The following ZC3H12B variants were observed in gnomAD, a reference collection of about 807,000 sequenced individuals.
The protein encoded by ZC3H12B is probable ribonuclease ZC3H12B.
A neutral mutation model predicts 43.9 loss-of-function variants in ZC3H12B; 7 were observed. The observed-to-expected ratio is 0.16, with a 90% CI of 0.09 to 0.30. The LOEUF (loss-of-function observed/expected upper bound fraction) is 0.30. Ranked by LOEUF, ZC3H12B falls within the 10% of genes least tolerant of loss-of-function variation. The pLI, the probability that ZC3H12B is intolerant of heterozygous loss-of-function variation, is 1.00. For missense variants in ZC3H12B, 475 were observed against 670.2 expected (o/e 0.71, Z 3.22); for synonymous variants, 222 against 241.7 (o/e 0.92, Z 0.76).
At chrX:65,299,291 G>T in the ZC3H12B span, among the ~76,000 whole-genome samples, 1 of 111,561 alleles carries the variant, frequency 9.0e-6, no homozygotes. Context: ...CATTTTGTGA[G>T]GCCGTCATTA....
chrX:65,164,662 G>A, the ZC3H12B span, among the ~76,000 whole-genome samples: 54 of 112,040 alleles, frequency 4.8e-4, 1 homozygote, highest in African/African-American at 1.7e-3. Flanking sequence ...AAGGTTAGAA[G>A]CAAGGTGGAG....
chrX:65,202,680 C>T, the ZC3H12B span, among the ~76,000 whole-genome samples: 8 of 111,338 alleles, frequency 7.2e-5, no homozygotes, highest in Middle Eastern at 4.6e-3. Flanking sequence ...ACTGAGACTG[C>T]GCTGGTTCAG....
At chrX:65,247,366 A>G in the ZC3H12B span, among the ~76,000 whole-genome samples, 3 of 112,170 alleles carry the variant, frequency 2.7e-5, no homozygotes, top group African/African-American at 9.7e-5. Context: ...ATACCATTTG[A>G]CTCAGCAATT....
At chrX:65,375,334 G>C (rs1202713288) in intron 2 of ZC3H12B, among the ~76,000 whole-genome samples, 1 of 111,598 alleles carries the variant, frequency 9.0e-6, no homozygotes, top group African/African-American at 3.3e-5. Context: ...AGTGTTTTGG[G>C]GTTCTAAATA....
the ZC3H12B span, among the ~76,000 whole-genome samples, chrX:65,139,216 G>A: frequency 8.9e-6 from 1 of 112,062 alleles, no homozygotes; most frequent in Non-Finnish European, 1.9e-5. Flanking sequence ...TACTTTTAGA[G>A]TCTCCTGTCT....
At chrX:65,266,567 C>T in the ZC3H12B span, among the ~76,000 whole-genome samples, 1 of 111,849 alleles carries the variant, frequency 8.9e-6, no homozygotes, top group African/African-American at 3.2e-5. Flanking sequence ...AATAAATAAG[C>T]TGTTGTTTTG....
the ZC3H12B span, among the ~76,000 whole-genome samples, chrX:65,266,176 G>A: frequency 1.2e-4 from 14 of 112,327 alleles, no homozygotes; most frequent in Non-Finnish European, 1.9e-4. Context: ...ATTCAGCAAT[G>A]CCTGGTAAAG....
chrX:65,210,003 C>T, the ZC3H12B span, among the ~76,000 whole-genome samples: 1 of 69,152 alleles, frequency 1.4e-5, no homozygotes, highest in Non-Finnish European at 2.2e-5. Flanking sequence ...AAGACATAGG[C>T]GTGGGCAAGG....
At chrX:65,164,675 A>C in the ZC3H12B span, among the ~76,000 whole-genome samples, 1 of 112,135 alleles carries the variant, frequency 8.9e-6, no homozygotes, top group Admixed American at 9.5e-5. Context: ...AGGTGGAGTC[A>C]GCTATGTTAG....
the ZC3H12B span, among the ~76,000 whole-genome samples, chrX:65,323,911 T>C: frequency 8.9e-6 from 1 of 112,444 alleles, no homozygotes; most frequent in African/African-American, 3.2e-5. Context: ...TGGTATCTCA[T>C]TGTGGTTTTG....
intron 3 of ZC3H12B, among the ~76,000 whole-genome samples, chrX:65,422,925 CTT>C (rs34567013): frequency 1.4e-3 from 65 of 46,169 alleles, no homozygotes; most frequent in African/African-American, 6.3e-3. Flanking sequence ...TCTTTCTTTG[CTT>C]TTTTTTTTTT....
chrX:65,257,647 C>A, the ZC3H12B span, among the ~76,000 whole-genome samples: 21 of 109,350 alleles, frequency 1.9e-4, no homozygotes, highest in Non-Finnish European at 3.4e-4. Context: ...GCCAGATAGA[C>A]TAATAAATAA....
the ZC3H12B span, among the ~76,000 whole-genome samples, chrX:65,286,475 G>A: frequency 9.0e-6 from 1 of 111,124 alleles, no homozygotes; most frequent in South Asian, 3.8e-4. Flanking sequence ...CTACCTGGGT[G>A]ATGGGATAAT....
chrX:65,448,689 T>C (rs2067415735), intron 3 of ZC3H12B, among the ~76,000 whole-genome samples: 2 of 109,542 alleles, frequency 1.8e-5, no homozygotes, highest in East Asian at 2.9e-4. Context: ...TGGTGGCACA[T>C]GCCTGTAAGC....
At chrX:65,143,617 C>T in the ZC3H12B span, among the ~76,000 whole-genome samples, 10 of 106,512 alleles carry the variant, frequency 9.4e-5, no homozygotes, top group Admixed American at 3.0e-4. Context: ...GGTTGGAGTG[C>T]TCTGGTGTGA....
chrX:65,288,977 C>T, the ZC3H12B span, among the ~76,000 whole-genome samples: 1 of 110,503 alleles, frequency 9.0e-6, no homozygotes, highest in Non-Finnish European at 1.9e-5. Flanking sequence ...ATGAAGAAGA[C>T]AATCCCATTT....
the ZC3H12B span, among the ~76,000 whole-genome samples, chrX:65,206,290 G>T: frequency 8.9e-6 from 1 of 111,836 alleles, no homozygotes; most frequent in South Asian, 3.7e-4. Context: ...CACCAAAACA[G>T]CAAGGTACTG....
chrX:65,431,772 C>A (rs1373268630), intron 3 of ZC3H12B, among the ~76,000 whole-genome samples: 3 of 112,098 alleles, frequency 2.7e-5, no homozygotes, highest in Non-Finnish European at 5.6e-5. Flanking sequence ...CTCACCAAAC[C>A]ATTGACTATA....
chrX:65,159,074 AATGGTTGTAGAT>A, the ZC3H12B span, among the ~76,000 whole-genome samples: 10 of 111,319 alleles, frequency 9.0e-5, no homozygotes, highest in Admixed American at 8.6e-4. Flanking sequence ...TCAAAGCTCA[AATGGTTGTAGAT>A]ATGCGGCATT....
Sources: allele counts gnomAD v4.1 joint callset (sites outside exome capture counted in the v4.1 genomes callset), GRCh38; gene constraint gnomAD v4.1.1; transcripts MANE v1.5; gene names NCBI Gene and HGNC (gene_info 2026-07-23, HGNC 2026-07-21).